Variants in ATF3 observed in about 807,000 individuals in gnomAD.
ATF3 encodes the protein cyclic AMP-dependent transcription factor ATF-3.
Under a neutral mutation model 18.4 loss-of-function variants are expected in ATF3, and 10 were observed. That is an observed-to-expected ratio of 0.54 (90% CI 0.34 to 0.92). The LOEUF is 0.92. Ranked by LOEUF, ATF3 falls within the 40% of genes least tolerant of loss-of-function variation. ATF3 has a pLI of 0.02. For missense variants in ATF3, 183 were observed against 222.3 expected, an observed-to-expected ratio of 0.82 and a Z score of 1.12; for synonymous variants, 78 against 87.9, an observed-to-expected ratio of 0.89 and a Z score of 0.63.
chr1:212,610,158 A>G (rs1467808691), intron 1 of ATF3, among the ~76,000 whole-genome samples: 1 of 151,942 alleles, frequency 6.6e-6, no homozygotes, highest in Non-Finnish European at 1.5e-5. Flanking sequence ...TCCCATTTTC[A>G]TTTCTCATCT....
At chr1:212,583,700 A>C (rs1216329419) in intron 1 of ATF3, among the ~76,000 whole-genome samples, 3 of 152,196 alleles carry the variant, frequency 2.0e-5, no homozygotes, top group Non-Finnish European at 4.4e-5. Flanking sequence ...CTCCTTCCCT[A>C]GCCAGCAGTG....
Position 212,588,014 on chromosome 1 carries a change from AGCGATTATGGGAGGTG to A in ATF3, c.-5+22532_-5+22547del, listed in dbSNP as rs530251724. 2.1e-3 allele frequency among the ~76,000 whole-genome samples: 317 copies of A among 152,240 alleles called. 2 individuals are homozygous for A. Among genetic ancestry groups the A allele is most frequent in the African/African-American group, 7.2e-3 (299 of 41,540 alleles). ...TGTGAGACTCAGCATGTGGGGTGAC[AGCGATTATGGGAGGTG>A]AGTGAGAGGGAGAATGTTGAGACCA... is the stretch of plus-strand genomic sequence containing the variant. On this transcript the variant is annotated intron_variant, in intron 1 of 3. Coordinates refer to the ATF3 transcript ENST00000366981.
At chr1:212,602,555 G>A (rs1167103505) in intron 1 of ATF3, among the ~76,000 whole-genome samples, 1 of 152,280 alleles carries the variant, frequency 6.6e-6, no homozygotes, top group South Asian at 2.1e-4. Flanking sequence ...AGACTTGGGA[G>A]TCAGACTGCC....
chr1:212,578,608 C>T (rs983709372), intron 1 of ATF3, among the ~76,000 whole-genome samples: 11 of 151,974 alleles, frequency 7.2e-5, no homozygotes, highest in African/African-American at 2.7e-4. Context: ...GCTCTTTTTT[C>T]TACCTTTAAC....
At chr1:212,584,852 C>T (rs1226497543) in intron 1 of ATF3, among the ~76,000 whole-genome samples, 1 of 152,202 alleles carries the variant, frequency 6.6e-6, no homozygotes, top group African/African-American at 2.4e-5. Context: ...TCCCGGGCCA[C>T]CTGGATGGAA....
chr1:212,579,204 G>A (rs1050927410), intron 1 of ATF3, among the ~76,000 whole-genome samples: 1 of 151,828 alleles, frequency 6.6e-6, no homozygotes, highest in African/African-American at 2.4e-5. Context: ...TAGAGACGGG[G>A]TTTCACCATG....
In ATF3 at chr1:212,588,103, C is replaced by T. The variant is rs574677983; in HGVS notation, c.-5+22620C>T. Among the ~76,000 whole-genome samples, 163 of 152,228 alleles carry T rather than the reference C, an allele frequency of 1.1e-3. 1 individual carries two copies. The highest frequency in any genetic ancestry group is 3.9e-3 in the African/African-American group (163 of 41,524). ...GACTCAATTTTGCTTTCCTCGGTAG[C>T]TTCTTCTACCCCTGCAGCCAGGTGT... On this transcript the variant is annotated intron_variant, in intron 1 of 3. Transcript: ENST00000366981.
chr1:212,581,719 T>C (rs998710477), intron 1 of ATF3, among the ~76,000 whole-genome samples: 3 of 152,190 alleles, frequency 2.0e-5, no homozygotes, highest in African/African-American at 7.2e-5. Flanking sequence ...AAATAATTAC[T>C]CAGTACCCAG....
At position 212,568,900 on chromosome 1, in the gene ATF3, C is replaced by CTATT. The variant is rs200527573; in HGVS notation, c.-5+3418_-5+3421dup. On this transcript the variant is annotated intron_variant, in intron 1 of 3. Coordinates refer to the ATF3 transcript ENST00000366981. ...GGCATCCTAATTTGGGTGTGGGTGA[C>CTATT]TATTCCTTAAGGCATCTCAAGTAAA... Among the ~76,000 whole-genome samples, 1,436 of 152,260 alleles carry CTATT rather than the reference C, an allele frequency of 9.4e-3. 20 individuals are homozygous for CTATT. The highest frequency in any genetic ancestry group is 0.014 in the Middle Eastern group (4 of 294).
intron 1 of ATF3, among the ~76,000 whole-genome samples, chr1:212,602,637 A>G (rs895938160): frequency 2.6e-5 from 4 of 152,186 alleles, no homozygotes; most frequent in African/African-American, 9.7e-5. Flanking sequence ...TCTGTGCCTC[A>G]GTTTCCTCAT....
intron 1 of ATF3, among the ~76,000 whole-genome samples, chr1:212,570,772 A>C (rs751729336): frequency 2.6e-5 from 4 of 152,196 alleles, no homozygotes; most frequent in Non-Finnish European, 4.4e-5. Context: ...TTTGAAATTC[A>C]TCTGTGTTGG....
chr1:212,598,093 A>G (rs571728445), intron 1 of ATF3, among the ~76,000 whole-genome samples: 1 of 152,360 alleles, frequency 6.6e-6, no homozygotes, highest in South Asian at 2.1e-4. Flanking sequence ...TTATACTTTC[A>G]TCTTTTAAGA....
At chr1:212,590,143 T>C (rs1180325558) in intron 1 of ATF3, among the ~76,000 whole-genome samples, 1 of 152,198 alleles carries the variant, frequency 6.6e-6, no homozygotes, top group Non-Finnish European at 1.5e-5. Flanking sequence ...TTTATTTTTT[T>C]GTAAAACAAT....
Position 212,619,290 on chromosome 1 carries a change from A to G in ATF3, c.349-68A>G, listed in dbSNP as rs1250189805. 6.2e-7 allele frequency: 1 copy of G among 1,611,620 alleles called. No individual in the cohort carries two copies. On this transcript the variant is annotated intron_variant, in intron 3 of 3. Coordinates refer to ENST00000341491, the MANE Select transcript of ATF3 (RefSeq NM_001674.4). The surrounding 1 kb of genome is among the most constrained non-coding windows in gnomAD (Gnocchi z 4.4). ...AGGTACACCCCTGCATCCAGGCAGC[A>G]GCCCAGGCCACCCCCTCCTCACTGG...
At chr1:212,590,425 C>CAA (rs149105509) in intron 1 of ATF3, among the ~76,000 whole-genome samples, 77 of 147,302 alleles carry the variant, frequency 5.2e-4, no homozygotes, top group South Asian at 3.0e-3. Flanking sequence ...TTAAAAACTG[C>CAA]AAAAAAAAAA....
intron 1 of ATF3, among the ~76,000 whole-genome samples, chr1:212,595,026 A>G (rs531347144): frequency 2.0e-5 from 3 of 152,212 alleles, no homozygotes; most frequent in Non-Finnish European, 2.9e-5. Flanking sequence ...TTGTTTTGCC[A>G]TCTACTATTA....
Position 212,619,057 on chromosome 1 carries a change from C to CAA in ATF3, c.349-301_349-300insAA. The stretch of plus-strand genomic sequence containing the variant: ...GGATTTCTCCCCAGCTCCCAAGGCC[C>CAA]TTTTGGGTCCAGAAGACCTGCATAT... On this transcript the variant is annotated intron_variant, in intron 3 of 3. Coordinates refer to ENST00000341491, the MANE Select transcript of ATF3 (RefSeq NM_001674.4). This position sits in a 1 kb window ranked among gnomAD's most constrained non-coding sequence, Gnocchi z 4.4. The CAA allele has an allele frequency of 6.2e-7, 1 of 1,614,198 alleles. No individual in the cohort carries two copies. The highest frequency in any genetic ancestry group is 8.5e-7 in the Non-Finnish European group (1 of 1,180,032).
At position 212,619,079 on chromosome 1, in the gene ATF3, A is replaced by G; in HGVS notation, c.349-279A>G. 1 of 1,614,228 alleles carries G rather than the reference A, an allele frequency of 6.2e-7. No homozygotes were observed. Among genetic ancestry groups the G allele is most frequent in the Non-Finnish European group, 8.5e-7 (1 of 1,180,040 alleles). ...GCCCTTTTGGGTCCAGAAGACCTGC[A>G]TATGGGCTGTTGACTCATGCAAATG... On this transcript the variant is annotated intron_variant, in intron 3 of 3. Coordinates refer to ENST00000341491, the MANE Select transcript of ATF3 (RefSeq NM_001674.4). The surrounding 1 kb of genome is among the most constrained non-coding windows in gnomAD (Gnocchi z 4.4).
At chr1:212,577,664 A>G (rs1183144429) in intron 1 of ATF3, among the ~76,000 whole-genome samples, 1 of 151,714 alleles carries the variant, frequency 6.6e-6, no homozygotes, top group Non-Finnish European at 1.5e-5. Context: ...CATATGAGTG[A>G]GATCACGTAG....
Sources: gnomAD v4.1 joint callset for allele counts (sites outside exome capture counted in the v4.1 genomes callset) on GRCh38, gnomAD v4.1.1 for gene constraint, Gnocchi (gnomAD v3.1) non-coding constraint, MANE v1.5 for transcripts, NCBI Gene and HGNC (gene_info 2026-07-23, HGNC 2026-07-21) for gene names.